PTAFR: variants seen among roughly 807,000 people sequenced by gnomAD.
PTAFR encodes the protein platelet activating factor receptor, also known as platelet-activating factor receptor.
A neutral mutation model predicts 14.7 loss-of-function variants in PTAFR; 8 were observed. The observed-to-expected ratio is 0.54, with a 90% confidence interval of 0.32 to 0.98. The LOEUF (loss-of-function observed/expected upper bound fraction) is 0.98. PTAFR is among the 50% of genes least tolerant of loss of function. PTAFR has a pLI of 0.04. For missense variants in PTAFR, 337 were observed against 451.2 expected, an observed-to-expected ratio of 0.75 and a Z score of 2.29; for synonymous variants, 156 against 176.5, an observed-to-expected ratio of 0.88 and a Z score of 0.92.
intron 1 of PTAFR, among the ~76,000 whole-genome samples, chr1:28,192,026 T>C (rs759809299): frequency 8.6e-5 from 13 of 151,698 alleles, no homozygotes; most frequent in Non-Finnish European, 1.5e-4. Flanking sequence ...GCTGAGATCG[T>C]GCCGCCACTG....
rs776599026 is a variant in PTAFR at position 28,151,053 on chromosome 1, G to A, written c.-32C>T. 2.0e-6 allele frequency: 3 copies of A among 1,521,336 alleles called. No homozygotes were observed. The highest frequency in any genetic ancestry group is 2.1e-5 in the Admixed American group (1 of 48,140). 94.2% of individuals were successfully genotyped at this position (1,521,336 alleles called of 1,614,324 possible). On this transcript the variant is annotated 5_prime_UTR_variant, in exon 2 of 2. Transcript: ENST00000373857. ...GGGCTGGAATGATCAGCTGGTCCTG[G>A]TGGTGCCTGGAAGACCACACAAAAA...
intron 1 of PTAFR, among the ~76,000 whole-genome samples, chr1:28,162,794 A>G (rs1450460189): frequency 2.9e-5 from 4 of 137,098 alleles, no homozygotes; most frequent in African/African-American, 1.1e-4. Context: ...ACACCACTGC[A>G]CTCCAGCCTG....
chr1:28,158,123 G>A (rs1646286515), intron 1 of PTAFR, among the ~76,000 whole-genome samples: 1 of 152,140 alleles, frequency 6.6e-6, no homozygotes, highest in African/African-American at 2.4e-5. Context: ...TTGCAAGAGA[G>A]AGATTCAGAA....
chr1:28,153,216 G>A (rs1241168286), intron 1 of PTAFR, among the ~76,000 whole-genome samples: 5 of 152,262 alleles, frequency 3.3e-5, no homozygotes, highest in East Asian at 1.9e-4. Flanking sequence ...CAGAAGGATC[G>A]CTTGACCAGC....
At chr1:28,157,048 G>T (rs1646272156) in intron 1 of PTAFR, among the ~76,000 whole-genome samples, 1 of 152,150 alleles carries the variant, frequency 6.6e-6, no homozygotes. Context: ...TTTCCGCCAG[G>T]GCCAGGACTA....
chr1:28,190,649 T>C (rs1646644570), intron 1 of PTAFR, among the ~76,000 whole-genome samples: 1 of 152,040 alleles, frequency 6.6e-6, no homozygotes, highest in Non-Finnish European at 1.5e-5. Flanking sequence ...TAGACAATAG[T>C]GCAAAATAAC....
chr1:28,151,665 A>C (rs313150), intron 1 of PTAFR, among the ~76,000 whole-genome samples: 92,967 of 150,590 alleles, frequency 0.62, 29,615 homozygotes, highest in African/African-American at 0.77. Context: ...GTCTCACACA[A>C]AAAAAAAAAA....
intron 1 of PTAFR, among the ~76,000 whole-genome samples, chr1:28,167,404 T>C (rs1343093168): frequency 2.0e-5 from 3 of 152,030 alleles, no homozygotes; most frequent in Non-Finnish European, 4.4e-5. Context: ...GAAACCATAA[T>C]GCAATATCAC....
At chr1:28,154,081 GAAAAAA>G (rs71586829) in intron 1 of PTAFR, among the ~76,000 whole-genome samples, 1 of 55,504 alleles carries the variant, frequency 1.8e-5, no homozygotes, top group Non-Finnish European at 3.3e-5. Context: ...CCTTGTCTCA[GAAAAAA>G]AAAAAAAAAA....
At chr1:28,168,447 T>C (rs189292316) in intron 1 of PTAFR, among the ~76,000 whole-genome samples, 1 of 152,244 alleles carries the variant, frequency 6.6e-6, no homozygotes, top group African/African-American at 2.4e-5. Context: ...TTCTGACACA[T>C]GTTACAACAT....
At chr1:28,154,036 T>C in intron 1 of PTAFR, among the ~76,000 whole-genome samples, 1 of 129,176 alleles carries the variant, frequency 7.7e-6, no homozygotes, top group South Asian at 2.4e-4. Flanking sequence ...GCCTAGATGA[T>C]GGGGTGAGAC....
intron 1 of PTAFR, among the ~76,000 whole-genome samples, chr1:28,160,025 C>T (rs888062324): frequency 6.6e-6 from 1 of 151,762 alleles, no homozygotes; most frequent in African/African-American, 2.4e-5. Flanking sequence ...TCAGCCTGGG[C>T]AATATAGCAA....
rs375743829 is a variant in PTAFR, at chr1:28,150,478, C to A, written c.544G>T (p.Val182Leu). 6.2e-7 allele frequency: 1 copy of A among 1,614,096 alleles called. No individual in the cohort carries two copies. Among genetic ancestry groups the A allele is most frequent in the African/African-American group, 1.3e-5 (1 of 74,938 alleles). Residue 182 changes from valine (V) to leucine (L), a missense_variant, in exon 2 of 2, where the codon GTG becomes TTG. Val to Leu is a conservative substitution (Grantham distance 32, BLOSUM62 1). Coordinates refer to ENST00000373857, the MANE Select transcript of PTAFR (RefSeq NM_000952.5). This position sits in a 1 kb window ranked among gnomAD's most constrained non-coding sequence, Gnocchi z 6.3. Reference sequence around the variant, plus strand: ...AAGATGTGGATGATGAGGACTGGCACGCTGCCCTTCTCGTAATGCTCAAAG... The same window carrying A: ...AAGATGTGGATGATGAGGACTGGCAAGCTGCCCTTCTCGTAATGCTCAAAG... ...RCFEHYEKGS[V>L]PVLIIHIFIV...
chr1:28,161,550 T>A (rs1365703203), intron 1 of PTAFR, among the ~76,000 whole-genome samples: 1 of 152,230 alleles, frequency 6.6e-6, no homozygotes, highest in Non-Finnish European at 1.5e-5. Context: ...TCTCACTATG[T>A]TGCCCAGGTT....
chr1:28,151,115 T>C, intron 1 of PTAFR, 56 bp from the exon 2 acceptor site: 1 of 985,100 alleles, frequency 1.0e-6, no homozygotes, highest in Non-Finnish European at 1.5e-6. Flanking sequence ...GACTGTTCCA[T>C]TTCATCAGTT....
intron 1 of PTAFR, among the ~76,000 whole-genome samples, chr1:28,189,399 G>A (rs1417405273): frequency 2.0e-5 from 3 of 151,862 alleles, no homozygotes; most frequent in African/African-American, 7.3e-5. Flanking sequence ...AGATCACGAG[G>A]TCAGGAGTTC....
Position 28,150,302 on chromosome 1 carries a change from C to T in PTAFR, c.720G>A (p.Val240=). 1 of 1,612,416 alleles carries T rather than the reference C, an allele frequency of 6.2e-7. No homozygotes were observed. Among genetic ancestry groups the T allele is most frequent in the Non-Finnish European group, 8.5e-7 (1 of 1,178,772 alleles). ...GGTGGGGCACGAAGCAGATGATGAA[C>T]ACCGCCAAGACCGTGCACACCATCC... ...ALWMVCTVLA[V]FIICFVPHHV... Residue 240 remains valine (V), a synonymous_variant, in exon 2 of 2, where the codon GTG becomes GTA. Coordinates refer to ENST00000373857, the MANE Select transcript of PTAFR (RefSeq NM_000952.5). This position sits in a 1 kb window ranked among gnomAD's most constrained non-coding sequence, Gnocchi z 6.3.
Position 28,150,565 on chromosome 1 carries a change from G to A in PTAFR, c.457C>T (p.Leu153Phe), listed in dbSNP as rs1235901154. Residue 153 changes from leucine (L) to phenylalanine (F), a missense_variant, in exon 2 of 2, where the codon CTC (leucine) becomes TTC (phenylalanine). Physicochemically the swap from Leu to Phe is conservative, Grantham distance 22 (BLOSUM62 0). Coordinates refer to ENST00000373857, the MANE Select transcript of PTAFR (RefSeq NM_000952.5). The surrounding 1 kb of genome is among the most constrained non-coding windows in gnomAD (Gnocchi z 6.3). ...ACTGTGTTGGTGGAGTCCAGGATGA[G>A]GAAGTAGGATGCAGCTCCCACAATG... ...VAIVGAASYFLILDSTNTVPD... is the reference protein window; with the variant it reads ...VAIVGAASYFFILDSTNTVPD... 2 of 1,614,106 alleles carry A rather than the reference G, an allele frequency of 1.2e-6. No individual in the cohort carries two copies. Among genetic ancestry groups the A allele is most frequent in the Admixed American group, 3.3e-5 (2 of 60,008 alleles).
chr1:28,191,996 G>A (rs942315685), intron 1 of PTAFR, among the ~76,000 whole-genome samples: 1 of 151,874 alleles, frequency 6.6e-6, no homozygotes, highest in Non-Finnish European at 1.5e-5. Flanking sequence ...TTTGAGCCTG[G>A]GGTCTCCAGG....
Sources: gnomAD v4.1 joint callset for allele counts (sites outside exome capture counted in the v4.1 genomes callset) on GRCh38, gnomAD v4.1.1 for gene constraint, Gnocchi (gnomAD v3.1) non-coding constraint, MANE v1.5 for transcripts, NCBI Gene and HGNC (gene_info 2026-07-23, HGNC 2026-07-21) for gene names.